Variants in MAP3K13 observed in about 807,000 individuals in gnomAD.
MAP3K13 encodes mitogen-activated protein kinase kinase kinase 13, also known as leucine zipper-bearing kinase.
Under a neutral mutation model 104.0 loss-of-function variants are expected in MAP3K13, and 52 were observed. The observed-to-expected ratio is 0.50, with a 90% CI of 0.40 to 0.63. The LOEUF (loss-of-function observed/expected upper bound fraction) is 0.63. Ranked by LOEUF, MAP3K13 falls within the 20% of genes least tolerant of loss-of-function variation. MAP3K13 has a pLI of 0.00. For synonymous variants in MAP3K13, 394 were observed against 442.2 expected (o/e 0.89, Z 1.37); for missense variants, 914 against 1,218.5 (o/e 0.75, Z 3.72).
At chr3:185,396,362 T>C (rs1712419333) in intron 1 of MAP3K13, among the ~76,000 whole-genome samples, 2 of 150,368 alleles carry the variant, frequency 1.3e-5, no homozygotes, top group Admixed American at 1.3e-4. Flanking sequence ...AGAGGAAGAC[T>C]CTGTCTCAAA....
intron 4 of MAP3K13, among the ~76,000 whole-genome samples, chr3:185,447,494 CAAAAA>C (rs1178155454): frequency 7.7e-4 from 22 of 28,418 alleles, no homozygotes; most frequent in Non-Finnish European, 1.0e-3. Flanking sequence ...AACTCTGTCT[CAAAAA>C]AAAAAAAAAA....
In MAP3K13 at chr3:185,451,332, G is replaced by A; in HGVS notation, c.1215G>A (p.Met405Ile). ...GACCTTCTTTTCGGCAGACACTCAT[G>A]CATTTAGACATTGCCTCTGCAGATG... ...RNRPSFRQTL[M>I]HLDIASADVL... Residue 405 changes from methionine to isoleucine, a missense_variant, in exon 7 of 14, where the codon ATG (methionine) becomes ATA (isoleucine). Coordinates refer to ENST00000265026, the MANE Select transcript of MAP3K13 (RefSeq NM_004721.5). 6.2e-7 allele frequency: 1 copy of A among 1,613,702 alleles called. No homozygotes were observed. The highest frequency in any genetic ancestry group is 8.5e-7 in the Non-Finnish European group (1 of 1,179,732).
intron 1 of MAP3K13, among the ~76,000 whole-genome samples, chr3:185,377,309 G>A (rs985874025): frequency 6.6e-6 from 1 of 152,116 alleles, no homozygotes; most frequent in African/African-American, 2.4e-5. Context: ...GCAGGGTAAG[G>A]GTGATTAGGT....
upstream of MAP3K13, among the ~76,000 whole-genome samples, chr3:185,360,050 T>C (rs1407871369): frequency 6.6e-6 from 1 of 152,196 alleles, no homozygotes; most frequent in Non-Finnish European, 1.5e-5. Flanking sequence ...AATATCTTCT[T>C]GCATAATGAG....
chr3:185,451,987 C>G, intron 7 of MAP3K13, among the ~76,000 whole-genome samples: 1 of 152,092 alleles, frequency 6.6e-6, no homozygotes, highest in East Asian at 1.9e-4. Context: ...GATAAGAAAG[C>G]TGTAATGTAC....
intron 2 of MAP3K13, among the ~76,000 whole-genome samples, chr3:185,305,305 A>G (rs1228130012): frequency 1.3e-5 from 2 of 152,160 alleles, no homozygotes; most frequent in Non-Finnish European, 2.9e-5. Context: ...GGTGTTTACA[A>G]TGGGGATTAC....
At chr3:185,433,526 C>T (rs1275791916) in intron 2 of MAP3K13, among the ~76,000 whole-genome samples, 3 of 152,162 alleles carry the variant, frequency 2.0e-5, no homozygotes, top group Non-Finnish European at 4.4e-5. Context: ...GCTCTCTGCT[C>T]ATTATTGATA....
chr3:185,417,040 G>A (rs746551440), intron 1 of MAP3K13, among the ~76,000 whole-genome samples: 21 of 151,996 alleles, frequency 1.4e-4, no homozygotes, highest in Middle Eastern at 3.4e-3. Context: ...TCTTAGGAGA[G>A]TCCTAGAGTT....
chr3:185,376,034 C>T (rs973425202), intron 1 of MAP3K13, among the ~76,000 whole-genome samples: 1 of 152,144 alleles, frequency 6.6e-6, no homozygotes, highest in African/African-American at 2.4e-5. Context: ...CTTGCCTTTG[C>T]TGGTGAGTGG....
At chr3:185,313,260 A>G (rs893662694) in intron 2 of MAP3K13, among the ~76,000 whole-genome samples, 15 of 143,096 alleles carry the variant, frequency 1.0e-4, no homozygotes, top group Non-Finnish European at 2.1e-4. Flanking sequence ...AAAATGAACA[A>G]TAGTACAAGT....
At chr3:185,362,196 A>G (rs1723654971), upstream of MAP3K13, among the ~76,000 whole-genome samples, 1 of 152,214 alleles carries the variant, frequency 6.6e-6, no homozygotes, top group Non-Finnish European at 1.5e-5. Context: ...CAGAAAAATC[A>G]TGATCAGTAT....
At chr3:185,447,661 T>C (rs200911738) in intron 4 of MAP3K13, 128 bp from the exon 5 acceptor site, 3 of 685,852 alleles carry the variant, frequency 4.4e-6, no homozygotes, top group Admixed American at 6.2e-5. Flanking sequence ...CCCAGTGACA[T>C]TGGAAACTGC....
chr3:185,298,672 G>A lies in MAP3K13; in HGVS notation c.-86+13029G>A, dbSNP rs113433709. Reference sequence around the variant, plus strand: ...TGAGAAGAGACAGAAGTAATGCAAAGGTCACCGTATCTTCCAGCATAAGTG... The same window carrying A: ...TGAGAAGAGACAGAAGTAATGCAAAAGTCACCGTATCTTCCAGCATAAGTG... On this transcript the variant is annotated intron_variant, in intron 2 of 14. Transcript: ENST00000424227. Among the ~76,000 whole-genome samples, 21 of 152,292 alleles carry A rather than the reference G, an allele frequency of 1.4e-4. 1 individual carries two copies. The highest frequency in any genetic ancestry group is 3.8e-4 in the African/African-American group (16 of 41,560).
chr3:185,445,130 C>T (rs981305850), intron 4 of MAP3K13, among the ~76,000 whole-genome samples: 2 of 152,028 alleles, frequency 1.3e-5, no homozygotes, highest in African/African-American at 2.4e-5. Context: ...GTGTGGGATA[C>T]GTAACAAGTA....
chr3:185,358,698 A>C (rs915852570), upstream of MAP3K13, among the ~76,000 whole-genome samples: 1 of 152,196 alleles, frequency 6.6e-6, no homozygotes, highest in Admixed American at 6.5e-5. Context: ...TCAGTTATTG[A>C]CCAAGGCTCC....
At chr3:185,400,140 C>T (rs1391320414) in intron 1 of MAP3K13, among the ~76,000 whole-genome samples, 1 of 152,192 alleles carries the variant, frequency 6.6e-6, no homozygotes, top group Non-Finnish European at 1.5e-5. Context: ...AAAAAATCCT[C>T]GAATCCACCT....
chr3:185,319,263 A>G (rs12635693), intron 2 of MAP3K13, among the ~76,000 whole-genome samples: 13,543 of 152,276 alleles, frequency 0.089, 822 homozygotes, highest in East Asian at 0.2. Flanking sequence ...ATGGATGAGC[A>G]TTGTGATGTT....
At chr3:185,427,986 G>A (rs1714523935) in intron 1 of MAP3K13, among the ~76,000 whole-genome samples, 1 of 151,898 alleles carries the variant, frequency 6.6e-6, no homozygotes, top group South Asian at 2.1e-4. Context: ...GGCTGAGGCA[G>A]GAGAATCACT....
intron 2 of MAP3K13, among the ~76,000 whole-genome samples, chr3:185,321,727 C>T (rs1322057470): frequency 6.6e-6 from 1 of 152,214 alleles, no homozygotes; most frequent in African/African-American, 2.4e-5. Context: ...CCTCAGCCTC[C>T]CGAGTATCTG....
Sources: allele counts gnomAD v4.1 joint callset (sites outside exome capture counted in the v4.1 genomes callset), GRCh38; gene constraint gnomAD v4.1.1; transcripts MANE v1.5; gene names NCBI Gene and HGNC (gene_info 2026-07-23, HGNC 2026-07-21).